The following GALNT2 variants were observed in gnomAD, a reference collection of about 807,000 sequenced individuals.
GALNT2 encodes UDP-GalNAc:polypeptide N-acetylgalactosaminyltransferase 2.
GALNT2 carries 31 observed loss-of-function variants against 81.4 expected under a neutral mutation model. The ratio of observed to expected loss-of-function variants is 0.38; its 90% CI spans 0.29 to 0.51. The LOEUF is 0.51. Among genes scored for constraint, GALNT2 ranks in the 20% least tolerant of loss-of-function variants. GALNT2 has a pLI of 0.87. For missense variants in GALNT2, 629 were observed against 765.7 expected, an observed-to-expected ratio of 0.82 and a Z score of 2.11; for synonymous variants, 303 against 287.4, an observed-to-expected ratio of 1.05 and a Z score of -0.55.
At chr1:230,223,607 A>G (rs1395144007) in intron 3 of GALNT2, among the ~76,000 whole-genome samples, 1 of 152,010 alleles carries the variant, frequency 6.6e-6, no homozygotes, top group African/African-American at 2.4e-5. Flanking sequence ...AGTAGCTGGG[A>G]CTACAGGCAC....
At chr1:230,080,987 C>T (rs571779548) in intron 1 of GALNT2, among the ~76,000 whole-genome samples, 3 of 152,284 alleles carry the variant, frequency 2.0e-5, no homozygotes, top group East Asian at 1.9e-4. Flanking sequence ...ACATGTGACA[C>T]GTCGCAGGCA....
chr1:230,274,942 T>C (rs1666245571), intron 15 of GALNT2, among the ~76,000 whole-genome samples: 1 of 149,724 alleles, frequency 6.7e-6, no homozygotes, highest in African/African-American at 2.4e-5. Flanking sequence ...TATGTGAGCA[T>C]ATATATACAC....
intron 1 of GALNT2, among the ~76,000 whole-genome samples, chr1:230,167,929 C>T (rs1422842989): frequency 2.0e-5 from 3 of 151,120 alleles, no homozygotes; most frequent in Admixed American, 1.3e-4. Flanking sequence ...TTGATTTTTA[C>T]ATAAATCACA....
chr1:230,274,206 A>G (rs111284763), intron 14 of GALNT2, among the ~76,000 whole-genome samples: 115 of 152,370 alleles, frequency 7.5e-4, no homozygotes, highest in African/African-American at 2.7e-3. Context: ...AGGTCCTCAA[A>G]GCACTTCTGC....
intron 1 of GALNT2, among the ~76,000 whole-genome samples, chr1:230,177,336 G>T (rs543365692): frequency 6.6e-6 from 1 of 152,240 alleles, no homozygotes; most frequent in African/African-American, 2.4e-5. Context: ...TTACTGTTGC[G>T]TATCCGCCTA....
At chr1:230,177,310 G>A (rs1032084575) in intron 1 of GALNT2, among the ~76,000 whole-genome samples, 8 of 152,234 alleles carry the variant, frequency 5.3e-5, no homozygotes, top group Non-Finnish European at 1.0e-4. Context: ...TGGGTTCCCC[G>A]CCCCGCAGGG....
chr1:230,278,150 G>A (rs1572168782), intron 15 of GALNT2, among the ~76,000 whole-genome samples: 3 of 132,322 alleles, frequency 2.3e-5, no homozygotes, highest in East Asian at 4.5e-4. Flanking sequence ...ATCTCACTCT[G>A]TTGCTTAAGA....
At chr1:230,147,126 A>C (rs188783700) in intron 1 of GALNT2, among the ~76,000 whole-genome samples, 9 of 151,840 alleles carry the variant, frequency 5.9e-5, no homozygotes, top group African/African-American at 2.2e-4. Context: ...GATGTTGGGG[A>C]TGAGGGGTGG....
intron 1 of GALNT2, among the ~76,000 whole-genome samples, chr1:230,140,058 C>T (rs1364313692): frequency 1.3e-5 from 2 of 152,246 alleles, no homozygotes; most frequent in Non-Finnish European, 2.9e-5. Context: ...GCTGCCGGGT[C>T]CCTGCGTCAG....
At chr1:230,089,215 C>A (rs902459901) in intron 1 of GALNT2, among the ~76,000 whole-genome samples, 5 of 148,404 alleles carry the variant, frequency 3.4e-5, no homozygotes, top group Non-Finnish European at 7.4e-5. Flanking sequence ...GGTGTGATCT[C>A]GCCTCACAGC....
In GALNT2 at chr1:230,274,919, CTA is replaced by C. The variant is rs568597105; in HGVS notation, c.1560+357_1560+358del. On this transcript the variant is annotated intron_variant, in intron 15 of 15. Transcript: ENST00000366672. ...CGATACATAATGCAAGTGTGTGTGT[CTA>C]TGTGTGTATATATGTGAGCATATAT... Among the ~76,000 whole-genome samples, 383 of 151,776 alleles carry C rather than the reference CTA, an allele frequency of 2.5e-3. 1 individual carries two copies. Among genetic ancestry groups the C allele is most frequent in the Non-Finnish European group, 4.0e-3 (272 of 67,922 alleles).
chr1:230,243,702 T>G lies in GALNT2; in HGVS notation c.729+275T>G, dbSNP rs1665276421. On this transcript the variant is annotated intron_variant, in intron 7 of 15. Coordinates refer to ENST00000366672, the MANE Select transcript of GALNT2 (RefSeq NM_004481.5). This position sits in a 1 kb window ranked among gnomAD's most constrained non-coding sequence, Gnocchi z 4.2. ...CAGCAGAGGCTGGTGAGAGCCTGAT[T>G]AGTTGAAGGCAGCCCTTTTCATGGG... Among the ~76,000 whole-genome samples, 1 of 152,172 alleles carries G rather than the reference T, an allele frequency of 6.6e-6. No individual in the cohort carries two copies. Among genetic ancestry groups the G allele is most frequent in the Admixed American group, 6.5e-5 (1 of 15,284 alleles).
intron 1 of GALNT2, among the ~76,000 whole-genome samples, chr1:230,156,236 AGAGAGAGAGTGT>A: frequency 6.6e-6 from 1 of 150,950 alleles, no homozygotes; most frequent in Non-Finnish European, 1.5e-5. Context: ...AGAGAGAAAG[AGAGAGAGAGTGT>A]GTGTGTGTGT....
chr1:230,203,981 C>T (rs1663984717), intron 3 of GALNT2, among the ~76,000 whole-genome samples: 1 of 152,182 alleles, frequency 6.6e-6, no homozygotes, highest in African/African-American at 2.4e-5. Context: ...TTCACCACTA[C>T]ATCCAGATAA....
chr1:230,126,030 G>T (rs1661165348), intron 1 of GALNT2, among the ~76,000 whole-genome samples: 1 of 152,248 alleles, frequency 6.6e-6, no homozygotes, highest in African/African-American at 2.4e-5. Flanking sequence ...GGAGGCCAGA[G>T]TTCAGAGGAC....
chr1:230,226,255 AT>A (rs1273264407), intron 3 of GALNT2, among the ~76,000 whole-genome samples: 2 of 152,184 alleles, frequency 1.3e-5, no homozygotes, highest in Admixed American at 6.5e-5. Flanking sequence ...TGAAATGGGA[AT>A]GGCGTAAGCA....
intron 3 of GALNT2, among the ~76,000 whole-genome samples, chr1:230,221,397 G>A (rs547325611): frequency 5.3e-5 from 8 of 152,310 alleles, no homozygotes; most frequent in Non-Finnish European, 8.8e-5. Context: ...AGATGACAGT[G>A]TGTTATTTGG....
chr1:230,195,120 A>C (rs1420137168), intron 2 of GALNT2, among the ~76,000 whole-genome samples: 1 of 152,260 alleles, frequency 6.6e-6, no homozygotes, highest in African/African-American at 2.4e-5. Flanking sequence ...CTTTCAGTGA[A>C]TGTGTCTCCA....
chr1:230,262,244 T>C (rs2102761688), intron 11 of GALNT2: 1 of 261,514 alleles, frequency 3.8e-6, no homozygotes, highest in East Asian at 8.0e-5. Context: ...AACTTTCTTT[T>C]GTCCTTCTTT....
Sources: allele counts gnomAD v4.1 joint callset (sites outside exome capture counted in the v4.1 genomes callset), GRCh38; gene constraint gnomAD v4.1.1; non-coding constraint Gnocchi (gnomAD v3.1); transcripts MANE v1.5; gene names NCBI Gene and HGNC (gene_info 2026-07-23, HGNC 2026-07-21).